ASH1L: variants seen among roughly 807,000 people sequenced by gnomAD.
The protein encoded by ASH1L is ASH1 like histone lysine methyltransferase, also known as histone-lysine N-methyltransferase ASH1L.
Under a neutral mutation model 269.0 loss-of-function variants are expected in ASH1L, and 23 were observed. The observed-to-expected ratio is 0.09, with a 90% CI of 0.06 to 0.12. ASH1L has a LOEUF of 0.12. Ranked by LOEUF, ASH1L falls within the 10% of genes least tolerant of loss-of-function variation. The pLI is 1.00. For missense variants in ASH1L, 2,912 were observed against 3,567.8 expected, an observed-to-expected ratio of 0.82 and a Z score of 4.68; for synonymous variants, 1,187 against 1,253.5, an observed-to-expected ratio of 0.95 and a Z score of 1.12.
intron 1 of ASH1L, among the ~76,000 whole-genome samples, chr1:155,537,956 T>C (rs752214231): frequency 1.3e-5 from 2 of 152,156 alleles, no homozygotes; most frequent in Non-Finnish European, 2.9e-5. Flanking sequence ...TGGAATTCCT[T>C]AGGTTCAGTC....
chr1:155,553,924 G>C (rs1329174637), intron 1 of ASH1L, among the ~76,000 whole-genome samples: 2 of 151,922 alleles, frequency 1.3e-5, no homozygotes. Flanking sequence ...AGCCTCCCGA[G>C]TAGCTGGGAC....
rs1347867326 is a variant in ASH1L at position 155,481,271 on chromosome 1, T to G, written c.1599A>C (p.Lys533Asn). 3 of 1,613,992 alleles carry G rather than the reference T, an allele frequency of 1.9e-6. No homozygotes were observed. The highest frequency in any genetic ancestry group is 2.7e-5 in the African/African-American group (2 of 74,934). Residue 533 changes from lysine (K) to asparagine (N), a missense_variant, in exon 3 of 28, where the codon AAA becomes AAC. Physicochemically the swap from Lys to Asn is moderately conservative, Grantham distance 94. This residue lies in a region of ASH1L where 715 missense variants were observed against 721.0 expected (regional missense o/e 0.99). Coordinates refer to ENST00000392403, the MANE Select transcript of ASH1L (RefSeq NM_018489.3). ...TAGATACATCAGAAGCACCTCCCAT[T>G]TTAAAGTCCGGAGAAGTGCAATATA... ...PPVYCTSPDF[K>N]MGGASDVSTA... is the part of the protein sequence containing the mutation.
chr1:155,423,568 AAAAACAAAAC>A (rs770798692), intron 5 of ASH1L, among the ~76,000 whole-genome samples: 2 of 152,072 alleles, frequency 1.3e-5, no homozygotes, highest in Admixed American at 1.3e-4. Flanking sequence ...ACTCTGTCTC[AAAAACAAAAC>A]AAAACAAAAC....
intron 4 of ASH1L, chr1:155,440,510 C>G: frequency 2.1e-6 from 2 of 931,246 alleles, no homozygotes; most frequent in Non-Finnish European, 2.6e-6. Context: ...TACTTTCCCA[C>G]TGGGAACATG....
chr1:155,491,666 T>C (rs571421217), intron 2 of ASH1L, among the ~76,000 whole-genome samples: 2 of 152,030 alleles, frequency 1.3e-5, no homozygotes, highest in South Asian at 4.2e-4. Flanking sequence ...GTTTTGGGGT[T>C]TTTTCTCTCT....
rs1662276685 is a variant in ASH1L, at chr1:155,438,454, C to G, written c.5701G>C (p.Val1901Leu). ...TCTGGGTTCAGATTTACACTCTGAA[C>G]AACAGCCTCAATTACATCTGTAACT... ...DTVTDVIEAV[V>L]QSVNLNPEHK... The change falls in exon 5 of 28, where the codon GTT (valine) becomes CTT (leucine). Residue 1901 changes from valine to leucine, a missense_variant. Around this residue, in one of 13 missense-constraint regions of ASH1L, gnomAD observed 789 missense variants for 897.6 expected, o/e 0.88. Coordinates refer to ENST00000392403, the MANE Select transcript of ASH1L (RefSeq NM_018489.3). 6.2e-7 allele frequency: 1 copy of G among 1,613,960 alleles called. No homozygotes were observed. Among genetic ancestry groups the G allele is most frequent in the East Asian group, 2.2e-5 (1 of 44,890 alleles).
chr1:155,493,866 T>C (rs569459010), intron 2 of ASH1L, among the ~76,000 whole-genome samples: 7 of 151,996 alleles, frequency 4.6e-5, no homozygotes, highest in Non-Finnish European at 1.0e-4. Flanking sequence ...AGAGCAAGAC[T>C]CCATCTCAAA....
intron 10 of ASH1L, among the ~76,000 whole-genome samples, chr1:155,376,761 A>G (rs1656486059): frequency 6.6e-6 from 1 of 151,412 alleles, no homozygotes; most frequent in Non-Finnish European, 1.5e-5. Context: ...AGGCTGAGGC[A>G]GGAGAATCTC....
At position 155,480,506 on chromosome 1, in the gene ASH1L, T is replaced by G. The variant is rs369695594; in HGVS notation, c.2364A>C (p.Pro788=). 1.5e-5 allele frequency: 24 copies of G among 1,613,998 alleles called. No individual in the cohort carries two copies. Among genetic ancestry groups the G allele is most frequent in the Non-Finnish European group, 1.9e-5 (23 of 1,179,962 alleles). The change falls in exon 3 of 28, where the codon CCA becomes CCC. Residue 788 remains proline, a synonymous_variant. Coordinates refer to ENST00000392403, the MANE Select transcript of ASH1L (RefSeq NM_018489.3). ...CACTATCAGCTAAGAGAGCAAGAGA[T>G]GGAGCTGTGGATTTGCTCAACTTTG... is the stretch of plus-strand genomic sequence containing the variant. ...RLPKLSKSTA[P]SLALLADSEK... is the part of the protein sequence containing the mutation.
In ASH1L at chr1:155,491,973, CTCT is replaced by C. The variant is rs1485596515; in HGVS notation, c.421-9527_421-9525del. 2.8e-5 allele frequency among the ~76,000 whole-genome samples: 4 copies of C among 144,920 alleles called. No individual in the cohort carries two copies. In the East Asian group the frequency reaches 8.5e-4, roughly 31 times the overall value. Reference sequence around the variant, plus strand: ...CAGGCGTGAGTCACCGTACCCAGCTCTCTTTTTTTCATTCATGAAAAAATATAT... The same window carrying C: ...CAGGCGTGAGTCACCGTACCCAGCTCTTTTTTCATTCATGAAAAAATATAT... On this transcript the variant is annotated intron_variant, in intron 2 of 27. Coordinates refer to ENST00000392403, the MANE Select transcript of ASH1L (RefSeq NM_018489.3).
chr1:155,504,898 A>T (rs1667721529), intron 2 of ASH1L, among the ~76,000 whole-genome samples: 1 of 151,776 alleles, frequency 6.6e-6, no homozygotes, highest in Non-Finnish European at 1.5e-5. Context: ...TATAAATGAC[A>T]GGGCCCCTAC....
At chr1:155,399,209 T>C (rs951575039) in intron 6 of ASH1L, among the ~76,000 whole-genome samples, 1 of 152,196 alleles carries the variant, frequency 6.6e-6, no homozygotes. Flanking sequence ...TAATTATATG[T>C]AGAAAATGCT....
chr1:155,372,310 T>C (rs563771518), intron 10 of ASH1L, among the ~76,000 whole-genome samples: 64 of 145,296 alleles, frequency 4.4e-4, no homozygotes, highest in African/African-American at 1.6e-3. Context: ...TTTTTTTTAA[T>C]TTATTTTTAT....
chr1:155,553,796 T>C (rs1671379539), intron 1 of ASH1L, among the ~76,000 whole-genome samples: 1 of 151,906 alleles, frequency 6.6e-6, no homozygotes, highest in Non-Finnish European at 1.5e-5. Context: ...GCTCCTCCTA[T>C]TAGAATTTTT....
At chr1:155,402,676 T>A (rs1658950526) in intron 6 of ASH1L, among the ~76,000 whole-genome samples, 1 of 151,908 alleles carries the variant, frequency 6.6e-6, no homozygotes, top group African/African-American at 2.4e-5. Flanking sequence ...GTCTACTGAG[T>A]AACTAGGACT....
At chr1:155,555,396 C>T (rs542257308) in intron 1 of ASH1L, among the ~76,000 whole-genome samples, 25 of 149,040 alleles carry the variant, frequency 1.7e-4, no homozygotes, top group African/African-American at 5.7e-4. Context: ...ACTCAGGAGG[C>T]TGAGGCAGGA....
chr1:155,480,303 G>A lies in ASH1L; in HGVS notation c.2567C>T (p.Ser856Phe). 1 of 1,614,116 alleles carries A rather than the reference G, an allele frequency of 6.2e-7. No individual in the cohort carries two copies. Among genetic ancestry groups the A allele is most frequent in the South Asian group, 1.1e-5 (1 of 91,076 alleles). Residue 856 changes from serine (S) to phenylalanine (F), a missense_variant, in exon 3 of 28, where the codon TCT becomes TTT. Ser to Phe is a radical substitution (Grantham distance 155). This residue lies in a region of ASH1L where 715 missense variants were observed against 721.0 expected (regional missense o/e 0.99). Coordinates refer to ENST00000392403, the MANE Select transcript of ASH1L (RefSeq NM_018489.3). The part of the protein sequence containing the change: ...TLKIPASKVF[S>F]LQSKEEQEPP... ...TTCTTGTTCTTCCTTAGACTGTAAAGAAAACACTTTAGAAGCAGGGATTTT... is the reference window on the plus strand; with the variant it reads ...TTCTTGTTCTTCCTTAGACTGTAAAAAAAACACTTTAGAAGCAGGGATTTT...
intron 1 of ASH1L, among the ~76,000 whole-genome samples, chr1:155,547,241 T>C (rs1670893684): frequency 6.6e-6 from 1 of 151,604 alleles, no homozygotes; most frequent in Non-Finnish European, 1.5e-5. Context: ...CATCATATTC[T>C]TAATGAGGGC....
At chr1:155,550,072 G>A (rs1311483441) in intron 1 of ASH1L, among the ~76,000 whole-genome samples, 1 of 151,740 alleles carries the variant, frequency 6.6e-6, no homozygotes, top group Non-Finnish European at 1.5e-5. Flanking sequence ...CCAAGCTGGA[G>A]TGCCGTGGCG....
Sources: allele counts gnomAD v4.1 joint callset (sites outside exome capture counted in the v4.1 genomes callset), GRCh38; gene constraint gnomAD v4.1.1; regional missense constraint gnomAD v4.1.1; transcripts MANE v1.5; gene names NCBI Gene and HGNC (gene_info 2026-07-23, HGNC 2026-07-21).